The following BANK1 variants were observed in gnomAD, a reference collection of about 807,000 sequenced individuals.
BANK1 encodes the protein B cell scaffold protein with ankyrin repeats 1.
BANK1 carries 95 observed loss-of-function variants against 94.5 expected under a neutral mutation model. That is an observed-to-expected ratio of 1.00 (90% CI 0.85 to 1.19). The LOEUF is 1.19. BANK1 is among the 50% of genes most tolerant of loss of function. BANK1 has a pLI of 0.00. For synonymous variants in BANK1, 334 were observed against 308.4 expected, an observed-to-expected ratio of 1.08 and a Z score of -0.87; for missense variants, 987 against 932.2, an observed-to-expected ratio of 1.06 and a Z score of -0.77.
At chr4:102,035,970 A>G (rs1018529716) in intron 10 of BANK1, among the ~76,000 whole-genome samples, 9 of 152,232 alleles carry the variant, frequency 5.9e-5, no homozygotes, top group African/African-American at 1.9e-4. Context: ...AGCACTTGGC[A>G]TGGCATAGAT....
chr4:101,930,325 A>G (rs1284447068), intron 7 of BANK1, among the ~76,000 whole-genome samples: 1 of 151,274 alleles, frequency 6.6e-6, no homozygotes, highest in Non-Finnish European at 1.5e-5. Flanking sequence ...ATTCTTTTAT[A>G]TTGTATAAAA....
At chr4:102,016,136 A>C (rs575417988) in intron 7 of BANK1, among the ~76,000 whole-genome samples, 1 of 152,338 alleles carries the variant, frequency 6.6e-6, no homozygotes, top group Admixed American at 6.5e-5. Context: ...CAGATTTAAT[A>C]TCATCTATTC....
chr4:101,985,074 C>T (rs957547984), intron 7 of BANK1, among the ~76,000 whole-genome samples: 2 of 152,050 alleles, frequency 1.3e-5, no homozygotes, highest in Non-Finnish European at 2.9e-5. Context: ...ATGAAGGATG[C>T]AGTCAGCAAG....
In BANK1 at chr4:101,842,664, C is replaced by T. The variant is rs150652270; in HGVS notation, c.470-12371C>T. Among the ~76,000 whole-genome samples, 1,265 of 152,276 alleles carry T rather than the reference C, an allele frequency of 8.3e-3. 12 individuals are homozygous for T. The highest frequency in any genetic ancestry group is 0.014 in the Admixed American group (208 of 15,302). On this transcript the variant is annotated intron_variant, in intron 2 of 16. Coordinates refer to ENST00000322953, the MANE Select transcript of BANK1 (RefSeq NM_017935.5). Reference sequence around the variant, plus strand: ...TTCTTAGATATATACGTACTCAAGTCTAATCTATGTGTTTGGGTTTTTATA... The same window carrying T: ...TTCTTAGATATATACGTACTCAAGTTTAATCTATGTGTTTGGGTTTTTATA...
intron 2 of BANK1, among the ~76,000 whole-genome samples, chr4:101,840,708 T>C (rs1450382541): frequency 6.6e-6 from 1 of 152,234 alleles, no homozygotes; most frequent in Non-Finnish European, 1.5e-5. Flanking sequence ...AATAAATACA[T>C]GGGTAAATCT....
intron 2 of BANK1, among the ~76,000 whole-genome samples, chr4:101,843,921 C>CA (rs35717814): frequency 2.0e-5 from 3 of 151,182 alleles, no homozygotes; most frequent in Non-Finnish European, 4.4e-5. Flanking sequence ...GACTCGGTCT[C>CA]AAAAAAAATA....
intron 7 of BANK1, among the ~76,000 whole-genome samples, chr4:101,952,816 T>G (rs1482571808): frequency 1.3e-5 from 2 of 152,152 alleles, no homozygotes; most frequent in Non-Finnish European, 1.5e-5. Context: ...AATCCAAGAC[T>G]TGAGTCTGCG....
In BANK1 at chr4:101,853,673, T is replaced by C. The variant is rs1283245641; in HGVS notation, c.470-1362T>C. On this transcript the variant is annotated intron_variant, in intron 2 of 16. Coordinates refer to ENST00000322953, the MANE Select transcript of BANK1 (RefSeq NM_017935.5). ...AGGCGTAATTTTATGATTTGACATA[T>C]TAATGGAATATTAATGACTCTACTT... 6.6e-5 allele frequency among the ~76,000 whole-genome samples: 10 copies of C among 152,254 alleles called. No homozygotes were observed. The East Asian group carries it at 1.9e-3, about 29-fold the overall frequency.
At position 102,030,204 on chromosome 4, in the gene BANK1, C is replaced by T. The variant is rs1226282738; in HGVS notation, c.1839C>T (p.Ala613=). 1.2e-6 allele frequency: 2 copies of T among 1,613,298 alleles called. No homozygotes were observed. The highest frequency in any genetic ancestry group is 1.7e-6 in the Non-Finnish European group (2 of 1,179,760). ...SRSFIINRPP[A]PTPRPTSIPP... ...CTTTCATTATAAATAGACCTCCTGC[C>T]CCCACACCCCGACCCACAAGTATAC... is the stretch of plus-strand genomic sequence containing the variant. Residue 613 remains alanine, a synonymous_variant, in exon 10 of 17, where the codon GCC becomes GCT. Coordinates refer to ENST00000322953, the MANE Select transcript of BANK1 (RefSeq NM_017935.5).
chr4:101,950,050 TGTGTGTGTGTGCGC>T (rs758585712), intron 7 of BANK1, among the ~76,000 whole-genome samples: 3,374 of 91,886 alleles, frequency 0.037, 70 homozygotes, highest in African/African-American at 0.099. Context: ...TGTGTGTGTG[TGTGTGTGTGTGCGC>T]GTGCGCGCGC....
chr4:101,889,727 ATTG>A lies in BANK1; in HGVS notation c.904-5575_904-5573del, dbSNP rs374244907. Among the ~76,000 whole-genome samples, 273 of 147,970 alleles carry A rather than the reference ATTG, an allele frequency of 1.8e-3. 1 individual carries two copies. The highest frequency in any genetic ancestry group is 6.0e-3 in the African/African-American group (242 of 40,138). On this transcript the variant is annotated intron_variant, in intron 5 of 16. Transcript: ENST00000322953. ...GTTCTCTTGTTCTGCTTGCTTTGAG[ATTG>A]TTATGTTCTTTTTCTGAATTCTTGA...
chr4:102,002,082 G>A lies in BANK1; in HGVS notation c.1207-19432G>A, dbSNP rs534606390. Among the ~76,000 whole-genome samples, 14 of 152,230 alleles carry A rather than the reference G, an allele frequency of 9.2e-5. No homozygotes were observed. The South Asian group carries it at 2.1e-3, about 23-fold the overall frequency. Reference sequence around the variant, plus strand: ...CTTCATGCCATATAAACATAGAACTGGCAGTGCCTGCAGCACCCAACATTT... The same window carrying A: ...CTTCATGCCATATAAACATAGAACTAGCAGTGCCTGCAGCACCCAACATTT... On this transcript the variant is annotated intron_variant, in intron 7 of 16. Coordinates refer to ENST00000322953, the MANE Select transcript of BANK1 (RefSeq NM_017935.5).
In BANK1 at chr4:101,924,474, T is replaced by G. The variant is rs1368655635; in HGVS notation, c.1206+6285T>G. 4.0e-5 allele frequency among the ~76,000 whole-genome samples: 6 copies of G among 151,806 alleles called. No individual in the cohort carries two copies. The East Asian group carries it at 1.2e-3, about 30-fold the overall frequency. On this transcript the variant is annotated intron_variant, in intron 7 of 16. Transcript: ENST00000322953. ...TCCATATACACAGAATATAGTTTTTTAAAAGCTTTCCTGGGTTCTCATTCA... is the reference window on the plus strand; with the variant it reads ...TCCATATACACAGAATATAGTTTTTGAAAAGCTTTCCTGGGTTCTCATTCA...
At chr4:102,037,569 GAA>G (rs1727550241) in intron 10 of BANK1, among the ~76,000 whole-genome samples, 2 of 152,258 alleles carry the variant, frequency 1.3e-5, no homozygotes, top group Admixed American at 1.3e-4. Context: ...TTGGAAAATT[GAA>G]AAGAGTCTCC....
Position 102,025,266 on chromosome 4 carries a change from G to A in BANK1, c.1351G>A (p.Glu451Lys), listed in dbSNP as rs1727045578. 1.2e-6 allele frequency: 2 copies of A among 1,614,146 alleles called. No homozygotes were observed. The highest frequency in any genetic ancestry group is 2.7e-5 in the African/African-American group (2 of 75,030). ...ATACGGGCAGAGTGCAGATGGAGCT[G>A]AGGCAAATGAAATGGAAGGGGAAGG... ...KTYGQSADGA[E>K]ANEMEGEGKQ... The change falls in exon 9 of 17, where the codon GAG becomes AAG. Residue 451 changes from glutamate to lysine, a missense_variant. Coordinates refer to ENST00000322953, the MANE Select transcript of BANK1 (RefSeq NM_017935.5).
At chr4:102,027,819 A>C (rs1010937654) in intron 9 of BANK1, among the ~76,000 whole-genome samples, 3 of 152,156 alleles carry the variant, frequency 2.0e-5, no homozygotes, top group African/African-American at 7.2e-5. Context: ...TTTTTAACCC[A>C]AGAATCCTGG....
chr4:101,992,978 A>G (rs939179163), intron 7 of BANK1, among the ~76,000 whole-genome samples: 1 of 152,112 alleles, frequency 6.6e-6, no homozygotes, highest in African/African-American at 2.4e-5. Flanking sequence ...CGATCACCCT[A>G]CAGTCGTCCT....
chr4:101,822,478 AATTT>A (rs1368478235), intron 1 of BANK1, among the ~76,000 whole-genome samples: 2 of 152,152 alleles, frequency 1.3e-5, no homozygotes, highest in African/African-American at 4.8e-5. Flanking sequence ...TGATTCTGAC[AATTT>A]ATTATTCAAA....
intron 4 of BANK1, among the ~76,000 whole-genome samples, chr4:101,866,551 G>A (rs1246366764): frequency 1.3e-5 from 2 of 152,072 alleles, no homozygotes; most frequent in African/African-American, 4.8e-5. Context: ...CATTCGAACT[G>A]TAGAAAACTG....
Sources: gnomAD v4.1 joint callset for allele counts (sites outside exome capture counted in the v4.1 genomes callset) on GRCh38, gnomAD v4.1.1 for gene constraint, MANE v1.5 for transcripts, NCBI Gene and HGNC (gene_info 2026-07-23, HGNC 2026-07-21) for gene names.